Variants in CAMTA1 observed in about 807,000 individuals in gnomAD.
The protein encoded by CAMTA1 is calmodulin binding transcription activator 1, also known as calmodulin-binding transcription activator 1.
In CAMTA1, 27 loss-of-function variants were observed where a neutral mutation model predicts 170.9. The observed-to-expected ratio is 0.16, with a 90% CI of 0.12 to 0.22. CAMTA1 has a LOEUF of 0.22. Ranked by LOEUF, CAMTA1 falls within the 10% of genes least tolerant of loss-of-function variation. CAMTA1 has a pLI of 1.00. For synonymous variants in CAMTA1, 833 were observed against 891.5 expected (o/e 0.93, Z 1.17); for missense variants, 1,619 against 2,217.2 (o/e 0.73, Z 5.42).
At chr1:7,660,793 G>A (rs1484445547) in intron 7 of CAMTA1, among the ~76,000 whole-genome samples, 11 of 152,180 alleles carry the variant, frequency 7.2e-5, no homozygotes, top group South Asian at 2.1e-4. Context: ...CGGCTCCTCC[G>A]CGCCTGGATC....
At position 6,918,880 on chromosome 1, in the gene CAMTA1, G is replaced by A. The variant is rs999406185; in HGVS notation, c.234+93670G>A. Reference sequence around the variant, plus strand: ...TGAATCGGGCCCAGCAGAACTAGCCGCTCTCATGGCCTCAAATTCAAGGGT... The same window carrying A: ...TGAATCGGGCCCAGCAGAACTAGCCACTCTCATGGCCTCAAATTCAAGGGT... On this transcript the variant is annotated intron_variant, in intron 3 of 22. Transcript: ENST00000303635. This position sits in a 1 kb window ranked among gnomAD's most constrained non-coding sequence, Gnocchi z 4.0. 4.6e-5 allele frequency among the ~76,000 whole-genome samples: 7 copies of A among 152,276 alleles called. No homozygotes were observed. The South Asian group carries it at 6.2e-4, about 14-fold the overall frequency.
chr1:7,642,569 C>T lies in CAMTA1; in HGVS notation c.664+2016C>T, dbSNP rs555959034. On this transcript the variant is annotated intron_variant, in intron 7 of 22. Transcript: ENST00000303635. The surrounding 1 kb of genome is among the most constrained non-coding windows in gnomAD (Gnocchi z 6.3). ...CGGACACTGGGTCCTGCCTAGACCC[C>T]GCCCCAGGGGGCCTACTGATACTTT... Among the ~76,000 whole-genome samples, 22 of 152,300 alleles carry T rather than the reference C, an allele frequency of 1.4e-4. No homozygotes were observed. In the South Asian group the frequency reaches 4.3e-3, roughly 30 times the overall value.
intron 6 of CAMTA1, among the ~76,000 whole-genome samples, chr1:7,587,582 T>G (rs1331536630): frequency 6.6e-6 from 1 of 152,130 alleles, no homozygotes; most frequent in African/African-American, 2.4e-5. Context: ...CTTCCCCATG[T>G]CAGGCCTAAT....
chr1:7,743,763 C>T (rs2150077841), intron 16 of CAMTA1, among the ~76,000 whole-genome samples: 1 of 152,074 alleles, frequency 6.6e-6, no homozygotes, highest in East Asian at 1.9e-4. Flanking sequence ...AATCAGTCCA[C>T]ATCTCTGATT....
chr1:7,528,579 G>C (rs749435752), intron 6 of CAMTA1, among the ~76,000 whole-genome samples: 2 of 152,102 alleles, frequency 1.3e-5, no homozygotes, highest in South Asian at 4.2e-4. Flanking sequence ...CATTGGTCTC[G>C]GGGAGGAGCT....
chr1:7,401,185 C>T (rs551989379), intron 5 of CAMTA1, among the ~76,000 whole-genome samples: 21 of 152,074 alleles, frequency 1.4e-4, no homozygotes, highest in African/African-American at 4.1e-4. Context: ...CATTTGTATA[C>T]GGTGCAAGGT....
At position 7,588,300 on chromosome 1, in the gene CAMTA1, C is replaced by T. The variant is rs1413156374; in HGVS notation, c.511-52100C>T. On this transcript the variant is annotated intron_variant, in intron 6 of 22. Transcript: ENST00000303635. The surrounding 1 kb of genome is among the most constrained non-coding windows in gnomAD (Gnocchi z 5.8). ...CGCTGGTGTGGCCCTGCTGGGGACC[C>T]CGGGTCTGTCAGGTCTGGTGAGAGG... Among the ~76,000 whole-genome samples the T allele has an allele frequency of 1.3e-5, 2 of 151,062 alleles. No homozygotes were observed. Among genetic ancestry groups the T allele is most frequent in the African/African-American group, 2.5e-5 (1 of 40,366 alleles).
intron 3 of CAMTA1, among the ~76,000 whole-genome samples, chr1:6,847,662 C>T (rs982980814): frequency 4.0e-5 from 6 of 151,680 alleles, no homozygotes; most frequent in African/African-American, 1.5e-4. Context: ...GCCTCAGCCT[C>T]CCTAGTAGCT....
chr1:7,108,813 C>G (rs1643853868), intron 4 of CAMTA1, among the ~76,000 whole-genome samples: 1 of 152,200 alleles, frequency 6.6e-6, no homozygotes, highest in Non-Finnish European at 1.5e-5. Context: ...ACTTATGTAT[C>G]ATTTTGCCCT....
At chr1:7,278,270 G>C (rs530579296) in intron 5 of CAMTA1, among the ~76,000 whole-genome samples, 1 of 152,270 alleles carries the variant, frequency 6.6e-6, no homozygotes, top group Non-Finnish European at 1.5e-5. Flanking sequence ...TAGTGTTATT[G>C]ACTTAGTGAT....
intron 3 of CAMTA1, among the ~76,000 whole-genome samples, chr1:6,852,513 C>G (rs1334285847): frequency 6.6e-6 from 1 of 152,192 alleles, no homozygotes; most frequent in Non-Finnish European, 1.5e-5. Context: ...TTCCTATAAC[C>G]CCCTCCTCAG....
At chr1:7,737,089 C>T (rs1470532336) in intron 14 of CAMTA1, 80 bp downstream of exon 14, 1 of 1,352,334 alleles carries the variant, frequency 7.4e-7, no homozygotes, top group Non-Finnish European at 1.1e-6. Flanking sequence ...ACCGTTGTCT[C>T]TTGCTGACAC....
intron 22 of CAMTA1, among the ~76,000 whole-genome samples, chr1:7,762,110 C>G (rs552597986): frequency 1.3e-5 from 2 of 152,252 alleles, no homozygotes; most frequent in South Asian, 4.2e-4. Flanking sequence ...TATGACTGTT[C>G]CACTGCACTC....
At chr1:6,854,442 A>G (rs1297262750) in intron 3 of CAMTA1, among the ~76,000 whole-genome samples, 1 of 152,206 alleles carries the variant, frequency 6.6e-6, no homozygotes, top group Non-Finnish European at 1.5e-5. Context: ...ATCTTTGCAC[A>G]ATGATGAAAT....
intron 16 of CAMTA1, among the ~76,000 whole-genome samples, chr1:7,740,241 G>A (rs2096801937): frequency 6.6e-6 from 1 of 152,234 alleles, no homozygotes. Flanking sequence ...AATATTTTTA[G>A]GTTCTGTAGG....
At chr1:6,881,919 A>G (rs1158013262) in intron 3 of CAMTA1, among the ~76,000 whole-genome samples, 1 of 152,090 alleles carries the variant, frequency 6.6e-6, no homozygotes, top group Admixed American at 6.5e-5. Context: ...GTGAGTGGAG[A>G]TCGCACCACT....
intron 3 of CAMTA1, among the ~76,000 whole-genome samples, chr1:6,868,739 A>G (rs1200018627): frequency 1.3e-5 from 2 of 152,214 alleles, no homozygotes; most frequent in Non-Finnish European, 2.9e-5. Flanking sequence ...AGAGCTTAAT[A>G]TGGGTGATAA....
intron 5 of CAMTA1, among the ~76,000 whole-genome samples, chr1:7,370,464 C>T (rs1442063504): frequency 6.6e-6 from 1 of 152,130 alleles, no homozygotes; most frequent in African/African-American, 2.4e-5. Context: ...GTTTTAAAAT[C>T]GATGTAAGAA....
At chr1:7,459,160 A>G (rs1305135799) in intron 5 of CAMTA1, among the ~76,000 whole-genome samples, 1 of 152,160 alleles carries the variant, frequency 6.6e-6, no homozygotes, top group Non-Finnish European at 1.5e-5. Context: ...AGGAAGGAGC[A>G]AGGGCTTTGC....
Sources: gnomAD v4.1 joint callset for allele counts (sites outside exome capture counted in the v4.1 genomes callset) on GRCh38, gnomAD v4.1.1 for gene constraint, Gnocchi (gnomAD v3.1) non-coding constraint, MANE v1.5 for transcripts, NCBI Gene and HGNC (gene_info 2026-07-23, HGNC 2026-07-21) for gene names.